PLS1: variants seen among roughly 807,000 people sequenced by gnomAD.
The protein encoded by PLS1 is plastin 1, also known as plastin-1.
PLS1 carries 32 observed loss-of-function variants against 73.7 expected under a neutral mutation model. The observed-to-expected ratio is 0.43, with a 90% CI of 0.33 to 0.58. The LOEUF is 0.58. PLS1 is among the 20% of genes least tolerant of loss of function. The pLI is 0.04. For missense variants in PLS1, 633 were observed against 740.5 expected, an observed-to-expected ratio of 0.85 and a Z score of 1.68; for synonymous variants, 217 against 261.3, an observed-to-expected ratio of 0.83 and a Z score of 1.63.
chr3:142,709,582 C>T (rs1413782365), intron 14 of PLS1, among the ~76,000 whole-genome samples: 7 of 152,062 alleles, frequency 4.6e-5, no homozygotes, highest in African/African-American at 9.7e-5. Flanking sequence ...GGTGGGAGGC[C>T]GAGGCGGGTG....
chr3:142,650,067 C>A (rs974065242), intron 1 of PLS1, among the ~76,000 whole-genome samples: 1 of 151,628 alleles, frequency 6.6e-6, no homozygotes, highest in Admixed American at 6.6e-5. Context: ...GTTTAAATGG[C>A]TTTTAATAAA....
chr3:142,673,499 T>C (rs1251682424), intron 4 of PLS1: 1 of 152,226 alleles, frequency 6.6e-6, no homozygotes, highest in African/African-American at 2.4e-5. Flanking sequence ...TACTTTGAAT[T>C]CTCGTAGGCA....
chr3:142,673,409 A>C (rs2037649810), intron 4 of PLS1, among the ~76,000 whole-genome samples: 1 of 152,068 alleles, frequency 6.6e-6, no homozygotes, highest in South Asian at 2.1e-4. Flanking sequence ...CAGGTGATGG[A>C]CATTTGGGTT....
Position 142,703,932 on chromosome 3 carries a change from T to C in PLS1, c.1436T>C (p.Ile479Thr). 1 of 1,613,616 alleles carries C rather than the reference T, an allele frequency of 6.2e-7. No homozygotes were observed. Among genetic ancestry groups the C allele is most frequent in the Non-Finnish European group, 8.5e-7 (1 of 1,179,522 alleles). ...AAGGCCAAATTCTCCTTGGTTGGCA[T>C]TGCTGGGCAGGACCTAAATGAAGGG... ...KNKAKFSLVGIAGQDLNEGNS... is the reference protein window; with the variant it reads ...KNKAKFSLVGTAGQDLNEGNS... The change falls in exon 13 of 16, where the codon ATT (isoleucine) becomes ACT (threonine). Residue 479 changes from isoleucine to threonine, a missense_variant. Physicochemically the swap from Ile to Thr is moderately conservative, Grantham distance 89. Transcript: ENST00000457734.
intron 1 of PLS1, among the ~76,000 whole-genome samples, chr3:142,607,502 T>C (rs903830225): frequency 6.6e-6 from 1 of 152,204 alleles, no homozygotes; most frequent in Non-Finnish European, 1.5e-5. Flanking sequence ...TCTTGATCTC[T>C]GGACCTCATG....
Position 142,633,364 on chromosome 3 carries a change from G to A in PLS1, c.-36-30838G>A, listed in dbSNP as rs571770835. ...TACTTAAAAATGGTTAAGAAGGCTG[G>A]GAGCAGTAGTTCACACCTGTAATCT... On this transcript the variant is annotated intron_variant, in intron 1 of 15. Transcript: ENST00000457734. Among the ~76,000 whole-genome samples the A allele has an allele frequency of 3.3e-5, 5 of 152,288 alleles. 1 individual carries two copies. In the South Asian group the frequency reaches 1.0e-3, roughly 32 times the overall value.
intron 1 of PLS1, among the ~76,000 whole-genome samples, chr3:142,660,372 G>A (rs539667233): frequency 6.6e-6 from 1 of 151,894 alleles, no homozygotes; most frequent in South Asian, 2.1e-4. Flanking sequence ...CAATAAACCC[G>A]TCCTAAGTAA....
chr3:142,674,145 G>A (rs960974290), intron 4 of PLS1, among the ~76,000 whole-genome samples: 1 of 152,102 alleles, frequency 6.6e-6, no homozygotes, highest in African/African-American at 2.4e-5. Context: ...TTCTGGTGGT[G>A]TGTGTATTTC....
intron 1 of PLS1, among the ~76,000 whole-genome samples, chr3:142,600,920 T>G: frequency 3.1e-5 from 1 of 32,408 alleles, no homozygotes; most frequent in Non-Finnish European, 6.4e-5. Flanking sequence ...ATATATATTT[T>G]TTTTTTTTTT....
chr3:142,604,710 G>A (rs111823442), intron 1 of PLS1, among the ~76,000 whole-genome samples: 6,839 of 152,166 alleles, frequency 0.045, 221 homozygotes, highest in African/African-American at 0.092. Flanking sequence ...CGAGGCAGGC[G>A]GATCACGAGG....
rs202228391 is a variant in PLS1 at position 142,676,174 on chromosome 3, T to C, written c.382T>C (p.Phe128Leu). ...HSYSEEEKVA[F>L]VNWINKALEN... is the part of the protein sequence containing the mutation. ...CCTTTCAGAGGAAGAAAAAGTGGCTTTTGTTAACTGGATAAACAAAGCCCT... is the reference window on the plus strand; with the variant it reads ...CCTTTCAGAGGAAGAAAAAGTGGCTCTTGTTAACTGGATAAACAAAGCCCT... Residue 128 changes from phenylalanine to leucine, a missense_variant, in exon 5 of 16, where the codon TTT becomes CTT. By Grantham distance (22) the Phe-to-Leu change is conservative (BLOSUM62 0). Transcript: ENST00000457734. The C allele has an allele frequency of 6.2e-7, 1 of 1,612,058 alleles. No individual in the cohort carries two copies.
chr3:142,617,322 T>C (rs996739547), intron 1 of PLS1, among the ~76,000 whole-genome samples: 1 of 152,128 alleles, frequency 6.6e-6, no homozygotes, highest in African/African-American at 2.4e-5. Flanking sequence ...TTCCAGATAC[T>C]GTTACAGGAA....
intron 1 of PLS1, among the ~76,000 whole-genome samples, chr3:142,600,901 TATA>T (rs2035906810): frequency 3.1e-5 from 1 of 31,926 alleles, no homozygotes; most frequent in African/African-American, 2.0e-4. Flanking sequence ...TATATATATA[TATA>T]TATATATATA....
rs1209111878 is a variant in PLS1 at position 142,685,914 on chromosome 3, G to GTGC, written c.889-369_889-367dup. On this transcript the variant is annotated intron_variant, in intron 8 of 15. Coordinates refer to ENST00000457734, the MANE Select transcript of PLS1 (RefSeq NM_001145319.2). ...CTTATTAAGATAGGCAAGGGGTGCT[G>GTGC]TGCACTACAGAAGAGGGGTTCTTAG... Among the ~76,000 whole-genome samples, 4 of 152,332 alleles carry GTGC rather than the reference G, an allele frequency of 2.6e-5. No homozygotes were observed. The East Asian group carries it at 7.7e-4, about 29-fold the overall frequency.
At chr3:142,639,875 T>C (rs1035924574) in intron 1 of PLS1, among the ~76,000 whole-genome samples, 7 of 152,214 alleles carry the variant, frequency 4.6e-5, no homozygotes, top group African/African-American at 7.2e-5. Context: ...ATGTTTGACA[T>C]AGTGTTAAAC....
intron 3 of PLS1, among the ~76,000 whole-genome samples, 160 bp from the exon 4 acceptor site, chr3:142,670,833 T>C (rs79887965): frequency 0.035 from 5,405 of 152,320 alleles, 104 homozygotes; most frequent in South Asian, 0.059. Context: ...TTTTGTGTTA[T>C]TGGTAAAATG....
At chr3:142,705,699 C>T (rs67100994) in intron 14 of PLS1, among the ~76,000 whole-genome samples, 47,637 of 152,076 alleles carry the variant, frequency 0.31, 9,673 homozygotes, top group African/African-American at 0.59. Flanking sequence ...TCTTTGCCTT[C>T]GCTCTATATG....
intron 1 of PLS1, among the ~76,000 whole-genome samples, chr3:142,645,950 C>G (rs749089634): frequency 6.6e-6 from 1 of 152,048 alleles, no homozygotes; most frequent in Non-Finnish European, 1.5e-5. Context: ...AGGAGAAGGT[C>G]TTAGGGGGTA....
intron 10 of PLS1, 69 bp downstream of exon 10, chr3:142,689,882 CAGAGAT>C: frequency 1.0e-6 from 1 of 984,016 alleles, no homozygotes; most frequent in South Asian, 1.8e-5. Flanking sequence ...ACTTCACTGT[CAGAGAT>C]AGGGGATTGT....
Sources: allele counts gnomAD v4.1 joint callset (sites outside exome capture counted in the v4.1 genomes callset), GRCh38; gene constraint gnomAD v4.1.1; transcripts MANE v1.5; gene names NCBI Gene and HGNC (gene_info 2026-07-23, HGNC 2026-07-21).